The following PHYHIPL variants were observed in gnomAD, a reference collection of about 807,000 sequenced individuals.
The protein encoded by PHYHIPL is phytanoyl-CoA 2-hydroxylase interacting protein like, also known as phytanoyl-CoA hydroxylase-interacting protein-like.
In PHYHIPL, 9 loss-of-function variants were observed where a neutral mutation model predicts 33.4. That is an observed-to-expected ratio of 0.27 (90% CI 0.16 to 0.47). The LOEUF is 0.47. PHYHIPL is among the 20% of genes least tolerant of loss of function. PHYHIPL has a pLI of 0.99. For synonymous variants in PHYHIPL, 153 were observed against 154.1 expected, an observed-to-expected ratio of 0.99 and a Z score of 0.05; for missense variants, 365 against 460.7, an observed-to-expected ratio of 0.79 and a Z score of 1.90.
At position 59,245,538 on chromosome 10, in the gene PHYHIPL, A is replaced by G; in HGVS notation, c.1078A>G (p.Asn360Asp). 1 of 1,612,110 alleles carries G rather than the reference A, an allele frequency of 6.2e-7. No individual in the cohort carries two copies. The highest frequency in any genetic ancestry group is 8.5e-7 in the Non-Finnish European group (1 of 1,179,376). ...TCAGCTCATGAGTTTGTCTACTGCA[A>G]ATGCAAAGAAAGATCCCAGCTGCAA... ...GHQLMSLSTA[N>D]AKKDPSCKTC... Residue 360 changes from asparagine (N) to aspartate (D), a missense_variant, in exon 5 of 5, where the codon AAT becomes GAT. Transcript: ENST00000373880.
chr10:59,216,851 C>T (rs1281490944), intron 1 of PHYHIPL, among the ~76,000 whole-genome samples: 5 of 152,094 alleles, frequency 3.3e-5, no homozygotes, highest in Admixed American at 6.6e-5. Context: ...TGTATGCATG[C>T]TTATATATGT....
chr10:59,227,765 T>G (rs1839965106), intron 1 of PHYHIPL, among the ~76,000 whole-genome samples: 1 of 152,104 alleles, frequency 6.6e-6, no homozygotes, highest in Non-Finnish European at 1.5e-5. Context: ...ATAGTTTTCC[T>G]TTTGTGAATC....
intron 1 of PHYHIPL, among the ~76,000 whole-genome samples, chr10:59,221,891 G>A (rs530799440): frequency 2.6e-5 from 4 of 152,056 alleles, no homozygotes; most frequent in East Asian, 1.9e-4. Flanking sequence ...AAAACTTTTC[G>A]TTAATATTTA....
rs145348180 is a variant in PHYHIPL, at chr10:59,221,493, G to A, written c.107-12811G>A. Among the ~76,000 whole-genome samples the A allele has an allele frequency of 2.8e-4, 43 of 151,918 alleles. No individual in the cohort carries two copies. The East Asian group carries it at 8.1e-3, about 29-fold the overall frequency. Reference sequence around the variant, plus strand: ...TTTGCTACTTGTTTACTAGTGCTTCGGTTCACCTTTAGCATCAATGATCAC... The same window carrying A: ...TTTGCTACTTGTTTACTAGTGCTTCAGTTCACCTTTAGCATCAATGATCAC... On this transcript the variant is annotated intron_variant, in intron 1 of 4. Transcript: ENST00000373880.
intron 1 of PHYHIPL, among the ~76,000 whole-genome samples, chr10:59,192,054 G>A (rs1225681652): frequency 5.9e-5 from 9 of 152,006 alleles, no homozygotes; most frequent in Admixed American, 2.0e-4. Flanking sequence ...TTACTTGAGC[G>A]TATACTTGCT....
At chr10:59,195,375 A>G (rs1589264951) in intron 1 of PHYHIPL, among the ~76,000 whole-genome samples, 1 of 152,202 alleles carries the variant, frequency 6.6e-6, no homozygotes, top group African/African-American at 2.4e-5. Context: ...ATGAAAACCC[A>G]AAGAAATGGG....
At position 59,211,669 on chromosome 10, in the gene PHYHIPL, A is replaced by T. The variant is rs1276077405; in HGVS notation, c.107-22635A>T. On this transcript the variant is annotated intron_variant, in intron 1 of 4. Coordinates refer to ENST00000373880, the MANE Select transcript of PHYHIPL (RefSeq NM_032439.4). ...GGGATTATAGGCGGACTCTCTAAAAAAAAAAAAAAAAAAAAAAAAAAGGTA... is the reference window on the plus strand; with the variant it reads ...GGGATTATAGGCGGACTCTCTAAAATAAAAAAAAAAAAAAAAAAAAAGGTA... 7.6e-4 allele frequency among the ~76,000 whole-genome samples: 112 copies of T among 147,762 alleles called. 1 individual carries two copies. The highest frequency in any genetic ancestry group is 2.4e-3 in the South Asian group (11 of 4,652).
intron 1 of PHYHIPL, among the ~76,000 whole-genome samples, chr10:59,223,469 A>G (rs1353827930): frequency 1.3e-5 from 2 of 152,134 alleles, no homozygotes. Flanking sequence ...TTATTTCAAT[A>G]CCTAAGATAC....
chr10:59,230,595 G>A (rs1003632981), intron 1 of PHYHIPL, among the ~76,000 whole-genome samples: 1 of 152,126 alleles, frequency 6.6e-6, no homozygotes, highest in Non-Finnish European at 1.5e-5. Context: ...TGTATCTTAA[G>A]CTTTGTACCT....
At chr10:59,235,541 A>C (rs895014125) in intron 2 of PHYHIPL, among the ~76,000 whole-genome samples, 1 of 151,918 alleles carries the variant, frequency 6.6e-6, no homozygotes, top group Non-Finnish European at 1.5e-5. Flanking sequence ...AGTGAGGATC[A>C]TACATACTAC....
In PHYHIPL at chr10:59,245,387, A is replaced by T. The variant is rs771543199; in HGVS notation, c.927A>T (p.Lys309Asn). The T allele has an allele frequency of 6.2e-7, 1 of 1,614,112 alleles. No homozygotes were observed. Among genetic ancestry groups the T allele is most frequent in the Middle Eastern group, 1.6e-4 (1 of 6,062 alleles). The change falls in exon 5 of 5, where the codon AAA (lysine) becomes AAT (asparagine). Residue 309 changes from lysine to asparagine, a missense_variant. Coordinates refer to ENST00000373880, the MANE Select transcript of PHYHIPL (RefSeq NM_032439.4). Reference sequence around the variant, plus strand: ...CTCAACTAAATTCTAAGGATAATAAATTTTTGACCTGTACAGAAGAAGATG... The same window carrying T: ...CTCAACTAAATTCTAAGGATAATAATTTTTTGACCTGTACAGAAGAAGATG... Reference protein sequence around the residue: ...RLPQLNSKDNKFLTCTEEDGV... With the variant: ...RLPQLNSKDNNFLTCTEEDGV...
intron 1 of PHYHIPL, among the ~76,000 whole-genome samples, chr10:59,232,754 TCTA>T (rs10587396): frequency 0.21 from 32,429 of 151,746 alleles, 4,656 homozygotes; most frequent in African/African-American, 0.4. Context: ...CTACAAAAAT[TCTA>T]CTATCAGAGT....
At chr10:59,187,433 T>G (rs1402518082) in intron 1 of PHYHIPL, among the ~76,000 whole-genome samples, 1 of 152,164 alleles carries the variant, frequency 6.6e-6, no homozygotes, top group African/African-American at 2.4e-5. Context: ...TCTCTTTTTT[T>G]GTTGTGTCTC....
Position 59,215,308 on chromosome 10 carries a change from A to G in PHYHIPL, c.107-18996A>G, listed in dbSNP as rs545178302. ...TTATCACCTGAGTAGTAAAAGAAAA[A>G]CATGCAGTTTGGTAGTTCAGAGTCA... On this transcript the variant is annotated intron_variant, in intron 1 of 4. Transcript: ENST00000373880. Among the ~76,000 whole-genome samples the G allele has an allele frequency of 1.1e-4, 17 of 152,156 alleles. No homozygotes were observed. In the East Asian group the frequency reaches 2.3e-3, roughly 21 times the overall value.
intron 3 of PHYHIPL, 102 bp downstream of exon 3, chr10:59,236,759 C>T: frequency 9.8e-7 from 1 of 1,019,954 alleles, no homozygotes; most frequent in Non-Finnish European, 1.3e-6. Context: ...ATATATGTGA[C>T]ATTGGTCATT....
chr10:59,192,087 C>T (rs1489824637), intron 1 of PHYHIPL, among the ~76,000 whole-genome samples: 1 of 152,064 alleles, frequency 6.6e-6, no homozygotes, highest in East Asian at 1.9e-4. Context: ...AACAAACACA[C>T]ATGAAACAGA....
chr10:59,190,355 T>G (rs1220982195), intron 1 of PHYHIPL, among the ~76,000 whole-genome samples: 3 of 152,046 alleles, frequency 2.0e-5, no homozygotes, highest in Admixed American at 2.0e-4. Flanking sequence ...AGAGAAATAT[T>G]CAGATTTTTG....
chr10:59,234,397 A>G lies in PHYHIPL; in HGVS notation c.200A>G (p.Lys67Arg). Residue 67 changes from lysine to arginine, a missense_variant, in exon 2 of 5, where the codon AAG becomes AGG. This residue lies in a region of PHYHIPL where 63 missense variants were observed against 119.3 expected (regional missense o/e 0.53). Transcript: ENST00000373880. ...KISNITCDSF[K>R]ISWEMDSKSK... ...AGCAATATAACGTGTGACTCATTCAAGATTTCATGGGAAATGGATTCAAAA... is the reference window on the plus strand; with the variant it reads ...AGCAATATAACGTGTGACTCATTCAGGATTTCATGGGAAATGGATTCAAAA... 5.0e-6 allele frequency: 8 copies of G among 1,604,284 alleles called. No homozygotes were observed. The South Asian group carries it at 7.8e-5, about 16-fold the overall frequency.
intron 1 of PHYHIPL, among the ~76,000 whole-genome samples, chr10:59,204,999 G>A (rs1192730544): frequency 6.6e-6 from 1 of 151,764 alleles, no homozygotes; most frequent in Non-Finnish European, 1.5e-5. Context: ...CAAGTGGCTG[G>A]GATTACAGGC....
Sources: allele counts gnomAD v4.1 joint callset (sites outside exome capture counted in the v4.1 genomes callset), GRCh38; gene constraint gnomAD v4.1.1; regional missense constraint gnomAD v4.1.1; transcripts MANE v1.5; gene names NCBI Gene and HGNC (gene_info 2026-07-23, HGNC 2026-07-21).